Variants in CYFIP2 observed in about 807,000 individuals in gnomAD.
The protein encoded by CYFIP2 is cytoplasmic FMR1-interacting protein 2.
In CYFIP2, 29 loss-of-function variants were observed where a neutral mutation model predicts 158.7. The observed-to-expected ratio is 0.18, with a 90% CI of 0.14 to 0.25. CYFIP2 has a LOEUF of 0.25. CYFIP2 is among the 10% of genes least tolerant of loss of function. The pLI is 1.00. For synonymous variants in CYFIP2, 585 were observed against 617.6 expected (o/e 0.95, Z 0.78); for missense variants, 852 against 1,639.5 (o/e 0.52, Z 8.29).
intron 14 of CYFIP2, among the ~76,000 whole-genome samples, chr5:157,320,167 C>T (rs1760474986): frequency 6.6e-6 from 1 of 152,216 alleles, no homozygotes; most frequent in East Asian, 1.9e-4. Flanking sequence ...CCTCAGTTTT[C>T]CTCATTTGTA....
At chr5:157,272,506 C>G (rs1756189840) in intron 1 of CYFIP2, among the ~76,000 whole-genome samples, 1 of 152,226 alleles carries the variant, frequency 6.6e-6, no homozygotes, top group Non-Finnish European at 1.5e-5. Context: ...AGCACCCACC[C>G]TCCCCTAGAG....
chr5:157,296,150 T>C (rs1382555015), intron 4 of CYFIP2, among the ~76,000 whole-genome samples: 1 of 152,226 alleles, frequency 6.6e-6, no homozygotes, highest in African/African-American at 2.4e-5. Context: ...TGGGACCAAC[T>C]GGTTCCTTTC....
At chr5:157,353,340 G>A (rs1581125995) in intron 23 of CYFIP2, among the ~76,000 whole-genome samples, 2 of 152,090 alleles carry the variant, frequency 1.3e-5, no homozygotes, top group East Asian at 1.9e-4. Context: ...TGGAAGGCTC[G>A]GCTCCTGTTC....
chr5:157,314,938 T>C, intron 12 of CYFIP2, 31 bp from the exon 13 acceptor site: 1 of 1,526,248 alleles, frequency 6.6e-7, no homozygotes. Flanking sequence ...CATCAGTTGA[T>C]GGACGTTTGG....
intron 26 of CYFIP2, among the ~76,000 whole-genome samples, chr5:157,368,626 G>A (rs11738676): frequency 0.032 from 4,802 of 152,116 alleles, 119 homozygotes; most frequent in Middle Eastern, 0.15. Context: ...CTTCCTTTGT[G>A]TGACTTTATT....
intron 1 of CYFIP2, chr5:157,269,260 G>A (rs1320272987): frequency 6.6e-6 from 1 of 152,046 alleles, no homozygotes; most frequent in African/African-American, 2.4e-5. Flanking sequence ...CACAAGAGAG[G>A]TGGGTGGAAC....
intron 26 of CYFIP2, among the ~76,000 whole-genome samples, chr5:157,369,722 A>G (rs1764784712): frequency 6.6e-6 from 1 of 152,154 alleles, no homozygotes; most frequent in South Asian, 2.1e-4. Context: ...ACTGAGTATT[A>G]TTCTACAATG....
At chr5:157,302,555 T>G (rs1758854781) in intron 6 of CYFIP2, among the ~76,000 whole-genome samples, 1 of 152,218 alleles carries the variant, frequency 6.6e-6, no homozygotes, top group Admixed American at 6.5e-5. Context: ...TCAGAGATTC[T>G]TAGTACATTC....
At chr5:157,323,874 G>A (rs1296015209) in intron 15 of CYFIP2, 47 bp from the exon 16 acceptor site, 2 of 1,473,550 alleles carry the variant, frequency 1.4e-6, no homozygotes, top group East Asian at 2.5e-5. Flanking sequence ...TTTTCCCCGG[G>A]GTAGAGGGCC....
At position 157,393,184 on chromosome 5, in the gene CYFIP2, G is replaced by A. The variant is rs188974329; in HGVS notation, c.*184G>A. The A allele has an allele frequency of 6.2e-6, 3 of 484,162 alleles. No individual in the cohort carries two copies. Among genetic ancestry groups the A allele is most frequent in the African/African-American group, 4.2e-5 (2 of 47,998 alleles). 30.0% of individuals were successfully genotyped at this position (484,162 alleles called of 1,614,324 possible). On this transcript the variant is annotated 3_prime_UTR_variant, in exon 31 of 31. Coordinates refer to ENST00000620254, the MANE Select transcript of CYFIP2 (RefSeq NM_001037333.3). ...GCATGCTCTCCCATGACATCTCCAT[G>A]CTGGTTTCTCCATAGCATAAATGAA...
In CYFIP2 at chr5:157,344,377, C is replaced by G. The variant is rs182566007; in HGVS notation, c.2673+3220C>G. 7.9e-5 allele frequency among the ~76,000 whole-genome samples: 12 copies of G among 152,278 alleles called. No homozygotes were observed. The East Asian group carries it at 2.3e-3, about 29-fold the overall frequency. On this transcript the variant is annotated intron_variant, in intron 23 of 30. Coordinates refer to ENST00000620254, the MANE Select transcript of CYFIP2 (RefSeq NM_001037333.3). ...TCCTCTGAGCTAGATTCCCATTTTA[C>G]GGATGAGCAACCTGATGTCACACCG...
intron 26 of CYFIP2, among the ~76,000 whole-genome samples, chr5:157,365,979 A>G (rs1220278): frequency 0.54 from 81,386 of 151,736 alleles, 22,689 homozygotes; most frequent in African/African-American, 0.62. Flanking sequence ...ATTCTTGTAC[A>G]TGTGTTTTGG....
At chr5:157,343,686 TTC>T (rs1762470634) in intron 23 of CYFIP2, 1 of 712,382 alleles carries the variant, frequency 1.4e-6, no homozygotes, top group Non-Finnish European at 2.2e-6. Flanking sequence ...GGCCGAGAGG[TTC>T]TGTTATTTAG....
intron 23 of CYFIP2, 133 bp from the exon 24 acceptor site, chr5:157,358,870 CAT>C: frequency 8.6e-7 from 1 of 1,162,156 alleles, no homozygotes; most frequent in East Asian, 2.4e-5. Context: ...ATTTTGCAAA[CAT>C]ATTCATGGGG....
intron 18 of CYFIP2, among the ~76,000 whole-genome samples, chr5:157,327,576 AAAT>A (rs200789119): frequency 1.0e-4 from 15 of 149,478 alleles, no homozygotes; most frequent in African/African-American, 2.5e-4. Flanking sequence ...AAAAAAAAAA[AAAT>A]TGCAAATCAA....
Position 157,346,839 on chromosome 5 carries a change from C to T in CYFIP2, c.2673+5682C>T, listed in dbSNP as rs747330249. On this transcript the variant is annotated intron_variant, in intron 23 of 30. Coordinates refer to ENST00000620254, the MANE Select transcript of CYFIP2 (RefSeq NM_001037333.3). ...TGACGCCAGAAATGGAAACTGTTTGCTACTCCTGGATTGAATCATCCCCAG... is the reference window on the plus strand; with the variant it reads ...TGACGCCAGAAATGGAAACTGTTTGTTACTCCTGGATTGAATCATCCCCAG... Among the ~76,000 whole-genome samples the T allele has an allele frequency of 6.8e-4, 104 of 152,180 alleles. 1 individual carries two copies. The highest frequency in any genetic ancestry group is 1.1e-3 in the Non-Finnish European group (76 of 68,024).
Position 157,333,444 on chromosome 5 carries a change from G to A in CYFIP2, c.2383G>A (p.Val795Met). Residue 795 changes from valine to methionine, a missense_variant and splice_region_variant, in exon 21 of 31, where the codon GTG becomes ATG. Coordinates refer to ENST00000620254, the MANE Select transcript of CYFIP2 (RefSeq NM_001037333.3). ...TGAGAGTGAGGACCTGACCTCCATT[G>A]TGGTAAGAGTCTGGGAGCGTGTGGG... ...RFESEDLTSI[V>M]ELEWLLEINR... is the part of the protein sequence containing the mutation. The A allele has an allele frequency of 6.2e-7, 1 of 1,613,922 alleles. No individual in the cohort carries two copies. Among genetic ancestry groups the A allele is most frequent in the Non-Finnish European group, 8.5e-7 (1 of 1,179,844 alleles).
chr5:157,284,966 A>G (rs1278621179), intron 1 of CYFIP2, among the ~76,000 whole-genome samples: 1 of 152,188 alleles, frequency 6.6e-6, no homozygotes, highest in Non-Finnish European at 1.5e-5. Context: ...GGAGAAACTA[A>G]CCATGACCTA....
intron 27 of CYFIP2, 131 bp downstream of exon 27, chr5:157,382,793 C>T: frequency 2.2e-6 from 2 of 918,398 alleles, no homozygotes; most frequent in Non-Finnish European, 3.3e-6. Context: ...TGAATAGCCA[C>T]AGAATCACAA....
Sources: allele counts gnomAD v4.1 joint callset (sites outside exome capture counted in the v4.1 genomes callset), GRCh38; gene constraint gnomAD v4.1.1; transcripts MANE v1.5; gene names NCBI Gene and HGNC (gene_info 2026-07-23, HGNC 2026-07-21).